Variants in STC1 observed in about 807,000 individuals in gnomAD.
The protein encoded by STC1 is stanniocalcin 1.
STC1 carries 7 observed loss-of-function variants against 22.6 expected under a neutral mutation model. The observed-to-expected ratio is 0.31, with a 90% CI of 0.18 to 0.58. The LOEUF is 0.58. Among genes scored for constraint, STC1 ranks in the 20% least tolerant of loss-of-function variants. The pLI, the probability that STC1 is intolerant of heterozygous loss-of-function variation, is 0.89. For missense variants in STC1, 224 were observed against 311.0 expected, an observed-to-expected ratio of 0.72 and a Z score of 2.10; for synonymous variants, 113 against 120.7, an observed-to-expected ratio of 0.94 and a Z score of 0.42.
At chr8:23,845,284 G>A (rs1802559030) in intron 3 of STC1, among the ~76,000 whole-genome samples, 2 of 152,120 alleles carry the variant, frequency 1.3e-5, no homozygotes, top group South Asian at 4.2e-4. Context: ...GAGTTGAGGA[G>A]ATTTAGATCA....
At chr8:23,850,631 T>G (rs1285884039) in intron 3 of STC1, among the ~76,000 whole-genome samples, 1 of 152,132 alleles carries the variant, frequency 6.6e-6, no homozygotes, top group African/African-American at 2.4e-5. Context: ...CTCAGTGGCC[T>G]TGGGTGGTGT....
Position 23,841,987 on chromosome 8 carries a change from A to G in STC1, c.*2783T>C, listed in dbSNP as rs1341968535. 2.6e-5 allele frequency: 4 copies of G among 152,622 alleles called. No individual in the cohort carries two copies. The highest frequency in any genetic ancestry group is 9.7e-5 in the African/African-American group (4 of 41,442). The allele number at this position is 152,622 out of a possible 1,614,324, so 9.5% of individuals were successfully genotyped here. On this transcript the variant is annotated 3_prime_UTR_variant, in exon 4 of 4. Transcript: ENST00000290271. The stretch of plus-strand genomic sequence containing the variant: ...AGAAGGAATTCACCAAAGGCTTCAT[A>G]TTATGCTATGGCATCTTTAATTATA...
chr8:23,850,912 CTTTTTTTTTT>C (rs56311630), intron 3 of STC1, among the ~76,000 whole-genome samples: 10 of 89,474 alleles, frequency 1.1e-4, no homozygotes, highest in African/African-American at 4.4e-4. Context: ...AACCAGAGGG[CTTTTTTTTTT>C]TTTTTTTTTT....
In STC1 at chr8:23,843,408, C is replaced by G. The variant is rs1174553365; in HGVS notation, c.*1362G>C. The G allele has an allele frequency of 2.0e-5, 3 of 152,232 alleles. No homozygotes were observed. Among genetic ancestry groups the G allele is most frequent in the African/African-American group, 4.8e-5 (2 of 41,264 alleles). The allele number at this position is 152,232 out of a possible 1,614,324, so 9.4% of individuals were successfully genotyped here. ...TACAGGACGAAAATGTAAGAGAAGT[C>G]TATTAAGGCTGGACAGCCCAGGGTT... On this transcript the variant is annotated 3_prime_UTR_variant, in exon 4 of 4. Transcript: ENST00000290271.
Position 23,844,783 on chromosome 8 carries a change from T to C in STC1, c.731A>G (p.His244Arg), listed in dbSNP as rs1267339475. The C allele has an allele frequency of 1.2e-6, 2 of 1,613,990 alleles. No homozygotes were observed. The highest frequency in any genetic ancestry group is 1.7e-6 in the Non-Finnish European group (2 of 1,180,012). Residue 244 changes from histidine to arginine, a missense_variant, in exon 4 of 4, where the codon CAT becomes CGT. Coordinates refer to ENST00000290271, the MANE Select transcript of STC1 (RefSeq NM_003155.3). Reference sequence around the variant, plus strand: ...ACCTCTCCCTGGTTATGCACTCTCATGGGATGTGCGTTTGATGTGGGAGGG... The same window carrying C: ...ACCTCTCCCTGGTTATGCACTCTCACGGGATGTGCGTTTGATGTGGGAGGG... ...DSPSHIKRTS[H>R]ESA is the part of the protein sequence containing the mutation.
At chr8:23,845,465 C>T (rs1027758427) in intron 3 of STC1, among the ~76,000 whole-genome samples, 2 of 152,202 alleles carry the variant, frequency 1.3e-5, no homozygotes, top group Middle Eastern at 3.4e-3. Flanking sequence ...CAATGCTCAT[C>T]ACTGAGATTA....
At chr8:23,853,245 A>T (rs1228045035) in intron 1 of STC1, among the ~76,000 whole-genome samples, 2 of 152,200 alleles carry the variant, frequency 1.3e-5, no homozygotes, top group African/African-American at 2.4e-5. Context: ...TGCAGCCTTC[A>T]TGCCATAGGA....
intron 1 of STC1, chr8:23,854,069 T>G: frequency 2.7e-6 from 3 of 1,128,478 alleles, no homozygotes; most frequent in Non-Finnish European, 3.3e-6. Flanking sequence ...CTGGAAAGTA[T>G]AGAGAGCGCT....
chr8:23,850,180 T>A (rs746436077), intron 3 of STC1, among the ~76,000 whole-genome samples: 3 of 152,246 alleles, frequency 2.0e-5, no homozygotes, highest in Non-Finnish European at 2.9e-5. Flanking sequence ...TACTTTTTTG[T>A]TGCATGTATG....
chr8:23,853,766 A>T (rs1392000420), intron 1 of STC1, among the ~76,000 whole-genome samples: 1 of 150,918 alleles, frequency 6.6e-6, no homozygotes, highest in African/African-American at 2.4e-5. Context: ...ACGTTTCACA[A>T]TTTTTTTTTT....
In STC1 at chr8:23,844,423, C is replaced by T. The variant is rs1802546819; in HGVS notation, c.*347G>A. ...ACTGGGGCAACCGTTCTAAAGGGATCCACATCTTCAAATTACAATGGCTGG... is the reference window on the plus strand; with the variant it reads ...ACTGGGGCAACCGTTCTAAAGGGATTCACATCTTCAAATTACAATGGCTGG... On this transcript the variant is annotated 3_prime_UTR_variant, in exon 4 of 4. Transcript: ENST00000290271. 3.2e-6 allele frequency: 1 copy of T among 316,326 alleles called. No individual in the cohort carries two copies. The allele number at this position is 316,326 out of a possible 1,614,324, so 19.6% of individuals were successfully genotyped here.
At chr8:23,850,552 T>G (rs1016121562) in intron 3 of STC1, among the ~76,000 whole-genome samples, 2 of 152,180 alleles carry the variant, frequency 1.3e-5, no homozygotes, top group African/African-American at 4.8e-5. Flanking sequence ...AGCTGTCTCA[T>G]GTAACAGGAA....
Position 23,844,008 on chromosome 8 carries a change from T to C in STC1, c.*762A>G, listed in dbSNP as rs1802543284. On this transcript the variant is annotated 3_prime_UTR_variant, in exon 4 of 4. Transcript: ENST00000290271. Reference sequence around the variant, plus strand: ...TAAGCAGAGTCCTCTGGAATTTATGTACAGTACATTAGTTTTCAGCTATTT... The same window carrying C: ...TAAGCAGAGTCCTCTGGAATTTATGCACAGTACATTAGTTTTCAGCTATTT... 6.5e-6 allele frequency: 1 copy of C among 152,692 alleles called. No individual in the cohort carries two copies. The highest frequency in any genetic ancestry group is 2.4e-5 in the African/African-American group (1 of 41,472). 9.5% of individuals were successfully genotyped at this position (152,692 alleles called of 1,614,324 possible).
chr8:23,851,963 A>G (rs978765739), intron 2 of STC1, among the ~76,000 whole-genome samples: 3 of 152,092 alleles, frequency 2.0e-5, no homozygotes, highest in Non-Finnish European at 2.9e-5. Context: ...CCCTGGCCTT[A>G]TAAGACAGCC....
At position 23,842,219 on chromosome 8, in the gene STC1, C is replaced by G. The variant is rs1418362563; in HGVS notation, c.*2551G>C. The G allele has an allele frequency of 6.6e-6, 1 of 152,250 alleles. No homozygotes were observed. The highest frequency in any genetic ancestry group is 1.5e-5 in the Non-Finnish European group (1 of 67,978). 9.4% of individuals were successfully genotyped at this position (152,250 alleles called of 1,614,324 possible). A position where few individuals can be genotyped will look rare whatever the true frequency, so the allele number is the denominator to read the frequency against. ...TGCAAATATAATGGCACAAAAATGTCTAAAGTGCAACCAAATCACAAGAGA... is the reference window on the plus strand; with the variant it reads ...TGCAAATATAATGGCACAAAAATGTGTAAAGTGCAACCAAATCACAAGAGA... On this transcript the variant is annotated 3_prime_UTR_variant, in exon 4 of 4. Transcript: ENST00000290271.
Position 23,844,327 on chromosome 8 carries a change from G to A in STC1, c.*443C>T, listed in dbSNP as rs966801577. ...CATGGCCAGCACAGATTCATAACAC[G>A]AATTCCATTTAACATCTTTATGAGC... On this transcript the variant is annotated 3_prime_UTR_variant, in exon 4 of 4. Transcript: ENST00000290271. The A allele has an allele frequency of 4.4e-5, 8 of 182,254 alleles. No homozygotes were observed. Among genetic ancestry groups the A allele is most frequent in the East Asian group, 2.5e-4 (2 of 7,906 alleles). 11.3% of individuals were successfully genotyped at this position (182,254 alleles called of 1,614,324 possible).
chr8:23,846,912 C>T (rs1347841206), intron 3 of STC1, among the ~76,000 whole-genome samples: 3 of 152,192 alleles, frequency 2.0e-5, no homozygotes, highest in Non-Finnish European at 2.9e-5. Flanking sequence ...GACATCTACA[C>T]ACCCATATAG....
rs966349526 is a variant in STC1 at position 23,854,764 on chromosome 8, C to T, written c.-241G>A. On this transcript the variant is annotated 5_prime_UTR_variant, in exon 1 of 4. Coordinates refer to ENST00000290271, the MANE Select transcript of STC1 (RefSeq NM_003155.3). ...GCTGCCACCGCCGCTGCTGCTGCTG[C>T]TGCTGCAGTCGCTGCTTCTTGCACC... is the stretch of plus-strand genomic sequence containing the variant. 5 of 617,214 alleles carry T rather than the reference C, an allele frequency of 8.1e-6. No individual in the cohort carries two copies. The highest frequency in any genetic ancestry group is 1.2e-5 in the Non-Finnish European group (4 of 332,222). The allele number at this position is 617,214 out of a possible 1,614,324, so 38.2% of individuals were successfully genotyped here.
chr8:23,845,559 T>TGC (rs1186351384), intron 3 of STC1, among the ~76,000 whole-genome samples: 1 of 151,996 alleles, frequency 6.6e-6, no homozygotes, highest in Non-Finnish European at 1.5e-5. Flanking sequence ...CACAGGTGTG[T>TGC]GTGTGTGTGT....
Sources: allele counts gnomAD v4.1 joint callset (sites outside exome capture counted in the v4.1 genomes callset), GRCh38; gene constraint gnomAD v4.1.1; transcripts MANE v1.5; gene names NCBI Gene and HGNC (gene_info 2026-07-23, HGNC 2026-07-21).